Variants in GRIP1 observed in about 807,000 individuals in gnomAD.
The protein encoded by GRIP1 is glutamate receptor interacting protein 1.
Under a neutral mutation model 129.9 loss-of-function variants are expected in GRIP1, and 45 were observed. The ratio of observed to expected loss-of-function variants is 0.35; its 90% CI spans 0.27 to 0.44. GRIP1 has a LOEUF of 0.44. Ranked by LOEUF, GRIP1 falls within the 20% of genes least tolerant of loss-of-function variation. The pLI, the probability that GRIP1 is intolerant of heterozygous loss-of-function variation, is 1.00. For synonymous variants in GRIP1, 530 were observed against 520.8 expected, an observed-to-expected ratio of 1.02 and a Z score of -0.24; for missense variants, 1,196 against 1,396.8, an observed-to-expected ratio of 0.86 and a Z score of 2.29.
intron 1 of GRIP1, among the ~76,000 whole-genome samples, chr12:66,724,730 C>T (rs2036197730): frequency 6.6e-6 from 1 of 152,206 alleles, no homozygotes; most frequent in Non-Finnish European, 1.5e-5. Context: ...AACTCCCACT[C>T]ACAGTTGACC....
chr12:66,575,715 TAAG>T (rs1454629241), intron 2 of GRIP1, among the ~76,000 whole-genome samples: 1 of 152,154 alleles, frequency 6.6e-6, no homozygotes, highest in African/African-American at 2.4e-5. Context: ...TAGTCCCAAA[TAAG>T]AAGAACATAG....
intron 2 of GRIP1, chr12:66,567,619 A>G (rs1181249894): frequency 1.5e-5 from 3 of 206,090 alleles, no homozygotes; most frequent in Non-Finnish European, 3.2e-5. Flanking sequence ...CTGATCTTTC[A>G]ACTTCCTATC....
chr12:66,940,276 C>T (rs1009610667), intron 1 of GRIP1, among the ~76,000 whole-genome samples: 18 of 152,052 alleles, frequency 1.2e-4, no homozygotes, highest in African/African-American at 3.1e-4. Flanking sequence ...CAAGTCAATC[C>T]ACTTCTTAGA....
At chr12:66,539,654 C>T (rs1300183813) in intron 3 of GRIP1, among the ~76,000 whole-genome samples, 1 of 140,696 alleles carries the variant, frequency 7.1e-6, no homozygotes, top group Non-Finnish European at 1.5e-5. Context: ...CTCAATCCCT[C>T]TTGTTTTTGC....
At chr12:66,703,434 A>T (rs1045229662) in intron 1 of GRIP1, among the ~76,000 whole-genome samples, 1 of 152,128 alleles carries the variant, frequency 6.6e-6, no homozygotes, top group South Asian at 2.1e-4. Flanking sequence ...TGGAGGATGC[A>T]TGGGAGAGGG....
At chr12:66,945,139 T>A (rs946541883) in intron 1 of GRIP1, among the ~76,000 whole-genome samples, 2 of 152,158 alleles carry the variant, frequency 1.3e-5, no homozygotes, top group East Asian at 3.8e-4. Context: ...TCTTTTGTTT[T>A]CTTTTTTTAA....
chr12:66,925,551 A>C (rs1173575874), intron 1 of GRIP1, among the ~76,000 whole-genome samples: 1 of 152,214 alleles, frequency 6.6e-6, no homozygotes, highest in African/African-American at 2.4e-5. Flanking sequence ...CAAACACAGA[A>C]TGTCAGGAAT....
chr12:66,658,168 CCT>C (rs1414861684), intron 1 of GRIP1, among the ~76,000 whole-genome samples: 1 of 151,724 alleles, frequency 6.6e-6, no homozygotes, highest in African/African-American at 2.4e-5. Context: ...TGCAAAAAAA[CCT>C]CTGAAAAATA....
chr12:66,897,965 A>G (rs1161340397), intron 1 of GRIP1, among the ~76,000 whole-genome samples: 2 of 152,210 alleles, frequency 1.3e-5, no homozygotes, highest in Non-Finnish European at 2.9e-5. Flanking sequence ...ATCAGTACTG[A>G]CAAGAATACA....
At chr12:66,686,927 T>C (rs1002140708) in intron 1 of GRIP1, among the ~76,000 whole-genome samples, 21 of 152,144 alleles carry the variant, frequency 1.4e-4, no homozygotes, top group African/African-American at 2.4e-5. Flanking sequence ...GCTCATGTGA[T>C]GGCACACACC....
chr12:66,688,245 C>A (rs1469207237), intron 1 of GRIP1, among the ~76,000 whole-genome samples: 1 of 152,102 alleles, frequency 6.6e-6, no homozygotes, highest in African/African-American at 2.4e-5. Flanking sequence ...GCTTTAGATT[C>A]TTGATCTGCA....
chr12:66,497,946 A>T (rs1353453230), intron 7 of GRIP1, among the ~76,000 whole-genome samples: 1 of 152,138 alleles, frequency 6.6e-6, no homozygotes, highest in Admixed American at 6.5e-5. Flanking sequence ...TCCTTGCCTT[A>T]ACTGATGACA....
chr12:66,931,578 A>G (rs971463011), intron 1 of GRIP1, among the ~76,000 whole-genome samples: 1 of 152,218 alleles, frequency 6.6e-6, no homozygotes, highest in African/African-American at 2.4e-5. Flanking sequence ...AGCAAAAATA[A>G]TAGGCATTAT....
intron 7 of GRIP1, among the ~76,000 whole-genome samples, chr12:66,478,204 A>G: frequency 6.6e-6 from 1 of 152,242 alleles, no homozygotes. Flanking sequence ...AACCCCATCA[A>G]AAAGTGGGCT....
intron 1 of GRIP1, among the ~76,000 whole-genome samples, chr12:67,045,713 T>G (rs1038239762): frequency 1.3e-5 from 2 of 152,104 alleles, no homozygotes; most frequent in African/African-American, 2.4e-5. Context: ...AAAAAGATGC[T>G]TGGAGTGGCA....
intron 1 of GRIP1, among the ~76,000 whole-genome samples, chr12:66,862,682 T>A (rs1052202045): frequency 6.6e-6 from 1 of 151,996 alleles, no homozygotes; most frequent in African/African-American, 2.4e-5. Flanking sequence ...TCTAGGAAAA[T>A]TGACCTTTCC....
chr12:66,673,860 T>A (rs10467148), intron 1 of GRIP1, among the ~76,000 whole-genome samples: 4,823 of 152,198 alleles, frequency 0.032, 250 homozygotes, highest in African/African-American at 0.11. Flanking sequence ...TAGATGAAAC[T>A]CCAATAAAAC....
chr12:66,433,019 G>T (rs1302098218), intron 13 of GRIP1, among the ~76,000 whole-genome samples: 2 of 152,096 alleles, frequency 1.3e-5, no homozygotes, highest in South Asian at 2.1e-4. Flanking sequence ...AAGAACCTTA[G>T]GTCCTATTAT....
intron 1 of GRIP1, among the ~76,000 whole-genome samples, chr12:66,966,584 T>C (rs2042001567): frequency 6.6e-6 from 1 of 152,228 alleles, no homozygotes; most frequent in South Asian, 2.1e-4. Flanking sequence ...GCTGTCATGT[T>C]TCCTTACGGT....
Sources: allele counts gnomAD v4.1 joint callset (sites outside exome capture counted in the v4.1 genomes callset), GRCh38; gene constraint gnomAD v4.1.1; transcripts MANE v1.5; gene names NCBI Gene and HGNC (gene_info 2026-07-23, HGNC 2026-07-21).